Variants in STK32C observed in about 807,000 individuals in gnomAD.
The protein encoded by STK32C is serine/threonine kinase 32C, also known as serine/threonine-protein kinase 32C.
Under a neutral mutation model 56.5 loss-of-function variants are expected in STK32C, and 31 were observed. That is an observed-to-expected ratio of 0.55 (90% CI 0.41 to 0.74). The LOEUF (loss-of-function observed/expected upper bound fraction) is 0.74, where lower values mean the gene tolerates loss of function less well. STK32C is among the 30% of genes least tolerant of loss of function. The pLI is 0.00. For synonymous variants in STK32C, 309 were observed against 289.4 expected (o/e 1.07, Z -0.69); for missense variants, 544 against 676.9 (o/e 0.80, Z 2.18).
intron 1 of STK32C, among the ~76,000 whole-genome samples, chr10:132,282,254 C>A (rs539523480): frequency 3.2e-4 from 48 of 152,376 alleles, no homozygotes; most frequent in African/African-American, 1.1e-3. Context: ...CCGGCTCTCA[C>A]AGCGCCCATC....
chr10:132,227,349 A>C (rs1423703853), intron 3 of STK32C, among the ~76,000 whole-genome samples: 2 of 152,218 alleles, frequency 1.3e-5, no homozygotes, highest in Non-Finnish European at 2.9e-5. Flanking sequence ...CCGTGTAGGT[A>C]CCACTCTTGA....
exon 1 of STK32C, chr10:132,331,680 T>C (rs1246434847): frequency 1.2e-6 from 2 of 1,612,776 alleles, no homozygotes; most frequent in East Asian, 4.5e-5. Flanking sequence ...TGCTCGGCTG[T>C]CCTCGAGCAG....
chr10:132,292,417 C>T (rs1293714892), intron 1 of STK32C, among the ~76,000 whole-genome samples: 1 of 152,196 alleles, frequency 6.6e-6, no homozygotes, highest in Non-Finnish European at 1.5e-5. Flanking sequence ...CAGTCACACA[C>T]TCATCCACAC....
intron 7 of STK32C, 37 bp from the exon 8 acceptor site, chr10:132,224,560 G>T: frequency 6.7e-7 from 1 of 1,496,726 alleles, no homozygotes. Flanking sequence ...AGGTCCTCCT[G>T]GCCCCCAGGA....
rs972182677 is a variant in STK32C at position 132,307,396 on chromosome 10, G to A, written c.262+176C>T. ...GCCACTAGAAACGGAGGACGCGGGCGGGCGCCCAGAACTCGCGTGGGGCCG... is the reference window on the plus strand; with the variant it reads ...GCCACTAGAAACGGAGGACGCGGGCAGGCGCCCAGAACTCGCGTGGGGCCG... On this transcript the variant is annotated intron_variant, in intron 1 of 11. Coordinates refer to ENST00000298630, the MANE Select transcript of STK32C (RefSeq NM_173575.4). The surrounding 1 kb of genome is among the most constrained non-coding windows in gnomAD (Gnocchi z 4.4). Among the ~76,000 whole-genome samples, 7 of 151,982 alleles carry A rather than the reference G, an allele frequency of 4.6e-5. No homozygotes were observed. The highest frequency in any genetic ancestry group is 8.8e-5 in the Non-Finnish European group (6 of 67,960).
intron 10 of STK32C, chr10:132,209,435 G>A (rs985683870): frequency 1.9e-5 from 10 of 517,032 alleles, no homozygotes; most frequent in Non-Finnish European, 3.4e-5. Context: ...GGCCTTTCCC[G>A]TCTCATACCG....
chr10:132,321,889 T>G (rs1022993646), downstream of STK32C, among the ~76,000 whole-genome samples: 4 of 152,208 alleles, frequency 2.6e-5, no homozygotes, highest in African/African-American at 9.6e-5. Context: ...GGGCACATTT[T>G]GGCACCTGTG....
intron 1 of STK32C, among the ~76,000 whole-genome samples, chr10:132,329,860 T>C (rs1195186008): frequency 2.6e-5 from 4 of 152,210 alleles, no homozygotes; most frequent in African/African-American, 9.7e-5. Flanking sequence ...CAAACCAACT[T>C]ATACTCAGAA....
intron 10 of STK32C, among the ~76,000 whole-genome samples, chr10:132,219,273 C>CT (rs577468405): frequency 1.4e-4 from 21 of 151,570 alleles, no homozygotes; most frequent in Admixed American, 2.6e-4. Context: ...AACAGTGGGA[C>CT]TTTTTTTTTG....
chr10:132,209,525 A>G (rs1348018304), intron 10 of STK32C, among the ~76,000 whole-genome samples: 1 of 152,244 alleles, frequency 6.6e-6, no homozygotes, highest in Admixed American at 6.5e-5. Flanking sequence ...GAATCCTGGA[A>G]CCAGGGCTGT....
intron 1 of STK32C, among the ~76,000 whole-genome samples, chr10:132,264,297 C>T (rs908353868): frequency 1.1e-4 from 17 of 152,228 alleles, no homozygotes; most frequent in African/African-American, 3.9e-4. Context: ...AATCAGTTGG[C>T]TGTAGGCTGC....
intron 10 of STK32C, among the ~76,000 whole-genome samples, chr10:132,215,410 G>C (rs561138700): frequency 6.6e-6 from 1 of 152,268 alleles, no homozygotes; most frequent in African/African-American, 2.4e-5. Context: ...GAGGAACCCA[G>C]TGGGAGGTGA....
intron 6 of STK32C, 34 bp downstream of exon 6, chr10:132,225,493 C>A (rs746234897): frequency 1.2e-6 from 2 of 1,612,536 alleles, no homozygotes; most frequent in South Asian, 2.2e-5. Flanking sequence ...CTGGAGGAAG[C>A]CAGCTCCCAT....
chr10:132,267,830 A>G (rs4525147), intron 1 of STK32C, among the ~76,000 whole-genome samples: 67,722 of 73,194 alleles, frequency 0.93, 31,486 homozygotes, highest in East Asian at 0.97. Context: ...TGTGTGTGTC[A>G]GTGCGTGTGC....
At chr10:132,264,604 G>A in intron 1 of STK32C, among the ~76,000 whole-genome samples, 1 of 152,212 alleles carries the variant, frequency 6.6e-6, no homozygotes, top group East Asian at 1.9e-4. Context: ...CCAGGGAGCT[G>A]AGGGGCCAGA....
intron 1 of STK32C, among the ~76,000 whole-genome samples, chr10:132,258,228 G>T (rs1482896697): frequency 1.3e-5 from 2 of 152,242 alleles, no homozygotes; most frequent in East Asian, 3.8e-4. Flanking sequence ...AGCTGCCAAG[G>T]CTGGGCAGGT....
intron 1 of STK32C, among the ~76,000 whole-genome samples, chr10:132,284,688 ATCTG>A (rs2065336550): frequency 7.2e-6 from 1 of 138,706 alleles, no homozygotes; most frequent in African/African-American, 2.7e-5. Flanking sequence ...ACATTCCCAC[ATCTG>A]CCCAAAGACC....
Position 132,225,215 on chromosome 10 carries a change from G to A in STK32C, c.876+18C>T, listed in dbSNP as rs577068594. 7.0e-6 allele frequency: 11 copies of A among 1,580,474 alleles called. No homozygotes were observed. Among genetic ancestry groups the A allele is most frequent in the Admixed American group, 1.7e-5 (1 of 57,810 alleles). ...AGGGGCCTGGCAGCCAAGCCCAGGG[G>A]CTGCAGGGGGTCCATACCCATCCTC... On this transcript the variant is annotated intron_variant, in intron 7 of 11. Coordinates refer to ENST00000298630, the MANE Select transcript of STK32C (RefSeq NM_173575.4).
At chr10:132,243,307 GAC>G (rs1180366570) in intron 2 of STK32C, among the ~76,000 whole-genome samples, 1 of 152,240 alleles carries the variant, frequency 6.6e-6, no homozygotes, top group Non-Finnish European at 1.5e-5. Flanking sequence ...GAGCCTCTCA[GAC>G]ACCGCAGCCT....
Sources: gnomAD v4.1 joint callset for allele counts (sites outside exome capture counted in the v4.1 genomes callset) on GRCh38, gnomAD v4.1.1 for gene constraint, Gnocchi (gnomAD v3.1) non-coding constraint, MANE v1.5 for transcripts, NCBI Gene and HGNC (gene_info 2026-07-23, HGNC 2026-07-21) for gene names.